Variants in DPF3 observed in about 807,000 individuals in gnomAD.
The protein encoded by DPF3 is zinc finger protein DPF3.
Under a neutral mutation model 56.8 loss-of-function variants are expected in DPF3, and 18 were observed. The ratio of observed to expected loss-of-function variants is 0.32; its 90% CI spans 0.22 to 0.47. The LOEUF is 0.47. Ranked by LOEUF, DPF3 falls within the 20% of genes least tolerant of loss-of-function variation. The probability of loss-of-function intolerance (pLI) is 1.00; values close to 1 mark genes in which losing one functional copy is unlikely to be tolerated. For missense variants in DPF3, 403 were observed against 488.8 expected, an observed-to-expected ratio of 0.82 and a Z score of 1.65; for synonymous variants, 188 against 180.2, an observed-to-expected ratio of 1.04 and a Z score of -0.35.
intron 1 of DPF3, among the ~76,000 whole-genome samples, chr14:72,874,080 A>C (rs1382480205): frequency 6.6e-6 from 1 of 151,570 alleles, no homozygotes; most frequent in African/African-American, 2.4e-5. Context: ...GATAAAAAAA[A>C]AAAGAATCTA....
chr14:72,718,517 G>A (rs756114559), intron 5 of DPF3, among the ~76,000 whole-genome samples: 2 of 152,132 alleles, frequency 1.3e-5, no homozygotes, highest in African/African-American at 2.4e-5. Flanking sequence ...GACATGACAC[G>A]TGACGATGCT....
intron 7 of DPF3, among the ~76,000 whole-genome samples, chr14:72,681,967 C>T (rs999602099): frequency 6.6e-6 from 1 of 152,238 alleles, no homozygotes; most frequent in African/African-American, 2.4e-5. Flanking sequence ...GTAATCCCAG[C>T]ACTTTGGGAG....
chr14:72,718,769 C>CTTTTTTTTTTTTTTTTTT (rs1172947236), intron 5 of DPF3, among the ~76,000 whole-genome samples: 4 of 14,744 alleles, frequency 2.7e-4, no homozygotes, highest in East Asian at 3.2e-3. Context: ...TACACCCTTG[C>CTTTTTTTTTTTTTTTTTT]TATTTTTTTT....
chr14:72,811,310 T>C (rs1883035375), intron 1 of DPF3, among the ~76,000 whole-genome samples: 1 of 152,176 alleles, frequency 6.6e-6, no homozygotes, highest in African/African-American at 2.4e-5. Flanking sequence ...ATTAGTGTCC[T>C]TATAAAAAAG....
intron 1 of DPF3, among the ~76,000 whole-genome samples, chr14:72,879,319 G>A (rs1252481395): frequency 2.6e-5 from 4 of 151,658 alleles, no homozygotes; most frequent in Admixed American, 1.3e-4. Context: ...GGAGGTGGAG[G>A]TTGCAGTGAG....
intron 1 of DPF3, among the ~76,000 whole-genome samples, chr14:72,783,128 GCTGACTGCTCCTCT>G (rs1892055108): frequency 6.6e-6 from 1 of 152,130 alleles, no homozygotes; most frequent in African/African-American, 2.4e-5. Context: ...TCTTCTTGTA[GCTGACTGCTCCTCT>G]GAGATGTCTT....
intron 3 of DPF3, among the ~76,000 whole-genome samples, chr14:72,750,393 T>A (rs1890515614): frequency 6.6e-6 from 1 of 152,202 alleles, no homozygotes; most frequent in Non-Finnish European, 1.5e-5. Flanking sequence ...TGATATAAAT[T>A]GTTCTTAACC....
chr14:72,864,185 T>C (rs1158773479), intron 1 of DPF3, among the ~76,000 whole-genome samples: 1 of 136,310 alleles, frequency 7.3e-6, no homozygotes, highest in Non-Finnish European at 1.5e-5. Flanking sequence ...GCTCAGGGCC[T>C]GGGCACAGGG....
intron 7 of DPF3, among the ~76,000 whole-genome samples, chr14:72,685,795 T>A (rs1188254124): frequency 3.9e-5 from 6 of 152,192 alleles, no homozygotes; most frequent in Non-Finnish European, 7.3e-5. Context: ...GTCTTTTCAA[T>A]CCTGCACATT....
chr14:72,673,218 T>C (rs1303493072), intron 8 of DPF3, among the ~76,000 whole-genome samples: 5 of 152,142 alleles, frequency 3.3e-5, no homozygotes. Flanking sequence ...AAGAGCTGAG[T>C]TGCTACAGTC....
chr14:72,674,300 T>A lies in DPF3; in HGVS notation c.811A>T (p.Met271Leu), dbSNP rs1411834661. 1.2e-6 allele frequency: 2 copies of A among 1,612,700 alleles called. No individual in the cohort carries two copies. The highest frequency in any genetic ancestry group is 4.5e-5 in the East Asian group (2 of 44,826). ...YCDFCLGGSN[M>L]NKKSGRPEEL... ...TCAGGCCGCCCACTCTTCTTGTTCA[T>A]GTTGGAGCCCCCCAAGCAGAAGTCA... The change falls in exon 8 of 11, where the codon ATG becomes TTG. Residue 271 changes from methionine to leucine, a missense_variant. This residue lies in a region of DPF3 where 340 missense variants were observed against 374.3 expected (regional missense o/e 0.91). Transcript: ENST00000556509.
chr14:72,816,126 TC>T (rs1883272583), intron 1 of DPF3, among the ~76,000 whole-genome samples: 1 of 152,072 alleles, frequency 6.6e-6, no homozygotes, highest in Admixed American at 6.5e-5. Flanking sequence ...CCCTCAGACT[TC>T]CCTGCCTTGA....
At chr14:72,822,381 T>G (rs932349092) in intron 1 of DPF3, among the ~76,000 whole-genome samples, 1 of 151,910 alleles carries the variant, frequency 6.6e-6, no homozygotes, top group Non-Finnish European at 1.5e-5. Context: ...TGAAACTCCA[T>G]CTCAAAAAAA....
chr14:72,745,647 ATC>A (rs567743103), intron 3 of DPF3, among the ~76,000 whole-genome samples: 20 of 152,136 alleles, frequency 1.3e-4, no homozygotes, highest in African/African-American at 4.3e-4. Flanking sequence ...CTCCATCTCC[ATC>A]TCTGTTTCCC....
intron 6 of DPF3, among the ~76,000 whole-genome samples, chr14:72,698,558 G>A (rs548117688): frequency 7.9e-5 from 12 of 152,242 alleles, no homozygotes; most frequent in Non-Finnish European, 1.5e-4. Context: ...GTGGTGGTGC[G>A]CACCTATAGT....
intron 10 of DPF3, 138 bp from the exon 11 acceptor site, chr14:72,619,505 G>C (rs1436176509): frequency 1.0e-6 from 1 of 954,600 alleles, no homozygotes; most frequent in Non-Finnish European, 1.6e-6. Flanking sequence ...CTGAAAACGT[G>C]CCAGAGTCTG....
intron 8 of DPF3, among the ~76,000 whole-genome samples, chr14:72,640,004 C>A (rs1228773488): frequency 8.2e-6 from 1 of 122,422 alleles, no homozygotes; most frequent in Non-Finnish European, 1.6e-5. Context: ...GAGGAGGTAG[C>A]TTTCAAGCTG....
At chr14:72,671,050 C>T in intron 8 of DPF3, 4 of 1,519,682 alleles carry the variant, frequency 2.6e-6, no homozygotes, top group Non-Finnish European at 3.5e-6. Context: ...AGTTGCCTTT[C>T]ATTAAAAAAA....
At chr14:72,865,230 G>T (rs1253710596) in intron 1 of DPF3, among the ~76,000 whole-genome samples, 3 of 152,244 alleles carry the variant, frequency 2.0e-5, no homozygotes, top group African/African-American at 7.2e-5. Flanking sequence ...GGACGCTGCA[G>T]TGCCCAAGAC....
Sources: gnomAD v4.1 joint callset for allele counts (sites outside exome capture counted in the v4.1 genomes callset) on GRCh38, gnomAD v4.1.1 for gene constraint, gnomAD v4.1.1 regional missense constraint, MANE v1.5 for transcripts, NCBI Gene and HGNC (gene_info 2026-07-23, HGNC 2026-07-21) for gene names.